The following HERC3 variants were observed in gnomAD, a reference collection of about 807,000 sequenced individuals.
HERC3 encodes HECT and RLD domain containing E3 ubiquitin protein ligase 3.
HERC3 carries 58 observed loss-of-function variants against 129.9 expected under a neutral mutation model. The ratio of observed to expected loss-of-function variants is 0.45; its 90% CI spans 0.36 to 0.56. The LOEUF is 0.56. HERC3 is among the 20% of genes least tolerant of loss of function. HERC3 has a pLI of 0.00. For synonymous variants in HERC3, 430 were observed against 451.0 expected, an observed-to-expected ratio of 0.95 and a Z score of 0.59; for missense variants, 835 against 1,244.2, an observed-to-expected ratio of 0.67 and a Z score of 4.95.
chr4:88,704,863 C>CT (rs1165694315), intron 25 of HERC3, among the ~76,000 whole-genome samples: 384 of 130,632 alleles, frequency 2.9e-3, no homozygotes, highest in East Asian at 0.023. Context: ...TTCTTTCTTT[C>CT]TTTTTTTTTT....
At chr4:88,600,057 C>T (rs541460510) in intron 2 of HERC3, among the ~76,000 whole-genome samples, 30 of 152,216 alleles carry the variant, frequency 2.0e-4, no homozygotes, top group Non-Finnish European at 3.1e-4. Flanking sequence ...GTACCTGTCT[C>T]ATAGAAGATG....
chr4:88,575,789 G>C, the HERC3 span, among the ~76,000 whole-genome samples: 2 of 152,080 alleles, frequency 1.3e-5, no homozygotes, highest in Non-Finnish European at 2.9e-5. Context: ...CTCTATTGTT[G>C]TAAGAACTGA....
chr4:88,603,362 C>T (rs571044243), intron 2 of HERC3, among the ~76,000 whole-genome samples: 5 of 152,134 alleles, frequency 3.3e-5, no homozygotes, highest in African/African-American at 1.2e-4. Context: ...CACCCGCCAC[C>T]ACGCCCCACT....
chr4:88,583,821 T>C, the HERC3 span: 1 of 152,222 alleles, frequency 6.6e-6, no homozygotes, highest in Non-Finnish European at 1.5e-5. Flanking sequence ...AGATTGGAAA[T>C]GTCATTCTTT....
chr4:88,562,761 C>A, the HERC3 span, among the ~76,000 whole-genome samples: 2 of 152,252 alleles, frequency 1.3e-5, no homozygotes, highest in Admixed American at 6.5e-5. Context: ...AGGGACTGTC[C>A]TTTCCCCAAT....
rs769075826 is a variant in HERC3 at position 88,681,286 on chromosome 4, G to T, written c.2468G>T (p.Gly823Val). The T allele has an allele frequency of 1.2e-6, 2 of 1,613,754 alleles. No homozygotes were observed. Among genetic ancestry groups the T allele is most frequent in the Admixed American group, 1.7e-5 (1 of 59,926 alleles). Residue 823 changes from glycine to valine, a missense_variant, in exon 21 of 26, where the codon GGC (glycine) becomes GTC (valine). By Grantham distance (109) the Gly-to-Val change is moderately radical. Transcript: ENST00000402738. ...AAGAAGTTACTCAATGTAAAGCCTG[G>T]CTTGGAAGACTTAAAGGAGTTGTCA... Reference protein sequence around the residue: ...LYKKLLNVKPGLEDLKELSPT... With the variant: ...LYKKLLNVKPVLEDLKELSPT...
intron 23 of HERC3, chr4:88,689,930 T>C (rs1258358619): frequency 1.1e-6 from 1 of 886,684 alleles, no homozygotes; most frequent in African/African-American, 1.9e-5. Context: ...TCATACATCA[T>C]TCATTAACCA....
chr4:88,590,361 C>T (rs191812271), upstream of HERC3, among the ~76,000 whole-genome samples: 1 of 152,206 alleles, frequency 6.6e-6, no homozygotes, highest in East Asian at 1.9e-4. Flanking sequence ...GAGATTGAGA[C>T]CATCCTGGCT....
intron 4 of HERC3, among the ~76,000 whole-genome samples, chr4:88,650,282 G>A (rs1250484982): frequency 1.3e-5 from 2 of 152,128 alleles, no homozygotes; most frequent in Non-Finnish European, 2.9e-5. Context: ...GAATAAAAAA[G>A]ACATCTTTCA....
At chr4:88,600,979 A>G (rs1204705313) in intron 2 of HERC3, among the ~76,000 whole-genome samples, 1 of 152,248 alleles carries the variant, frequency 6.6e-6, no homozygotes, top group Non-Finnish European at 1.5e-5. Context: ...TTTCTAGATT[A>G]TGTGAGCTTG....
At chr4:88,627,816 A>G (rs1726280732) in intron 3 of HERC3, among the ~76,000 whole-genome samples, 2 of 151,502 alleles carry the variant, frequency 1.3e-5, no homozygotes, top group South Asian at 4.2e-4. Flanking sequence ...AGGCTGGAGA[A>G]TCGCTTGAAC....
In HERC3 at chr4:88,656,845, C is replaced by G. The variant is rs1047499832; in HGVS notation, c.1069+810C>G. ...CATGTTAGAGATAAGGGAACAAAGT[C>G]TTAAGGAGGTCAAGTAATTTGCCCA... is the stretch of plus-strand genomic sequence containing the variant. On this transcript the variant is annotated intron_variant, in intron 9 of 25. Transcript: ENST00000402738. The G allele has an allele frequency of 2.6e-5, 4 of 152,282 alleles. No individual in the cohort carries two copies. The East Asian group carries it at 7.7e-4, about 29-fold the overall frequency. The allele number at this position is 152,282 out of a possible 1,614,324, so 9.4% of individuals were successfully genotyped here.
chr4:88,673,896 T>C (rs1268918765), intron 16 of HERC3, among the ~76,000 whole-genome samples: 1 of 152,230 alleles, frequency 6.6e-6, no homozygotes, highest in African/African-American at 2.4e-5. Flanking sequence ...TTGGCACTTC[T>C]GTTTTGTAAG....
intron 19 of HERC3, 151 bp downstream of exon 19, chr4:88,678,285 C>A: frequency 1.6e-6 from 1 of 631,158 alleles, no homozygotes; most frequent in Non-Finnish European, 2.7e-6. Context: ...TGTCAAATCA[C>A]CAAACAGAAC....
intron 3 of HERC3, among the ~76,000 whole-genome samples, chr4:88,638,813 A>G (rs74543050): frequency 6.6e-6 from 1 of 151,858 alleles, no homozygotes. Context: ...CTCTGTTTGC[A>G]GACGACATGA....
At chr4:88,533,961 C>T in the HERC3 span, among the ~76,000 whole-genome samples, 5 of 152,098 alleles carry the variant, frequency 3.3e-5, no homozygotes, top group Non-Finnish European at 7.4e-5. Context: ...TTTTTACTCC[C>T]TTCCTCCCTC....
At chr4:88,652,797 T>C in intron 5 of HERC3, 72 bp from the exon 6 acceptor site, 1 of 1,470,166 alleles carries the variant, frequency 6.8e-7, no homozygotes, top group South Asian at 1.3e-5. Context: ...CAAATGACCC[T>C]AATAACTAGA....
At chr4:88,676,072 A>G (rs1422543570) in intron 16 of HERC3, 146 bp from the exon 17 acceptor site, 1 of 595,434 alleles carries the variant, frequency 1.7e-6, no homozygotes, top group African/African-American at 1.9e-5. Context: ...TTTCCCTCAA[A>G]ATTTAGTCAG....
chr4:88,568,484 T>C, the HERC3 span, among the ~76,000 whole-genome samples: 44 of 152,248 alleles, frequency 2.9e-4, no homozygotes, highest in African/African-American at 1.0e-3. Flanking sequence ...AGCTGGCCCC[T>C]AAGCTGCAAG....
Sources: allele counts gnomAD v4.1 joint callset (sites outside exome capture counted in the v4.1 genomes callset), GRCh38; gene constraint gnomAD v4.1.1; transcripts MANE v1.5; gene names NCBI Gene and HGNC (gene_info 2026-07-23, HGNC 2026-07-21).